The following GRAMD1A variants were observed in gnomAD, a reference collection of about 807,000 sequenced individuals.
GRAMD1A encodes protein Aster-A.
Under a neutral mutation model 92.0 loss-of-function variants are expected in GRAMD1A, and 50 were observed. That is an observed-to-expected ratio of 0.54 (90% CI 0.43 to 0.69). The LOEUF (loss-of-function observed/expected upper bound fraction) is 0.69, where lower values mean the gene tolerates loss of function less well. GRAMD1A is among the 30% of genes least tolerant of loss of function. GRAMD1A has a pLI of 0.00. For synonymous variants in GRAMD1A, 405 were observed against 403.6 expected (o/e 1.00, Z -0.04); for missense variants, 819 against 978.9 (o/e 0.84, Z 2.18).
chr19:35,003,132 G>A (rs1012783584), intron 1 of GRAMD1A, among the ~76,000 whole-genome samples: 2 of 139,908 alleles, frequency 1.4e-5, no homozygotes, highest in African/African-American at 5.4e-5. Context: ...CTATGATGCT[G>A]TTGCTCTGTG....
At position 35,002,758 on chromosome 19, in the gene GRAMD1A, T is replaced by G. The variant is rs1456516873; in HGVS notation, c.8+2272T>G. 2.0e-5 allele frequency: 3 copies of G among 152,558 alleles called. No homozygotes were observed. The East Asian group carries it at 5.8e-4, about 29-fold the overall frequency. 9.5% of individuals were successfully genotyped at this position (152,558 alleles called of 1,614,324 possible). ...CTTCCCTGCCAGATGGTGAGCCCAG[T>G]GCGGGCACGGGAACAACTCAGTGGG... On this transcript the variant is annotated intron_variant, in intron 1 of 19. Coordinates refer to ENST00000317991, the MANE Select transcript of GRAMD1A (RefSeq NM_020895.5).
intron 6 of GRAMD1A, among the ~76,000 whole-genome samples, chr19:35,011,062 A>G (rs2015195486): frequency 7.0e-6 from 1 of 141,898 alleles, no homozygotes; most frequent in Admixed American, 7.9e-5. Flanking sequence ...TGATCATGCC[A>G]CTGCACTCCA....
At chr19:35,016,411 A>G (rs1415263792) in intron 11 of GRAMD1A, among the ~76,000 whole-genome samples, 2 of 151,890 alleles carry the variant, frequency 1.3e-5, no homozygotes, top group Non-Finnish European at 2.9e-5. Context: ...AGCCAGGGCA[A>G]CATGGTGAAA....
At position 35,015,892 on chromosome 19, in the gene GRAMD1A, G is replaced by C. The variant is rs948089718; in HGVS notation, c.1138G>C (p.Ala380Pro). ...LLINSVFHVG[A>P]ERLQQMLFSD... ...CATCAACTCTGTCTTCCATGTGGGC[G>C]CTGAGCGGCTCCAGCAGATGCTCTT... Residue 380 changes from alanine to proline, a missense_variant, in exon 11 of 20, where the codon GCT (alanine) becomes CCT (proline). Ala to Pro is a conservative substitution (Grantham distance 27, BLOSUM62 -1). Transcript: ENST00000317991. 6.2e-7 allele frequency: 1 copy of C among 1,614,000 alleles called. No homozygotes were observed. The highest frequency in any genetic ancestry group is 1.6e-4 in the Middle Eastern group (1 of 6,062).
Position 35,021,677 on chromosome 19 carries a change from T to C in GRAMD1A, c.1580-14T>C. The C allele has an allele frequency of 6.2e-7, 1 of 1,614,000 alleles. No homozygotes were observed. On this transcript the variant is annotated splice_polypyrimidine_tract_variant and intron_variant, in intron 14 of 19. Coordinates refer to ENST00000317991, the MANE Select transcript of GRAMD1A (RefSeq NM_020895.5). This position sits in a 1 kb window ranked among gnomAD's most constrained non-coding sequence, Gnocchi z 5.3. ...CCAGGTATGGACATCCAGAGCCCCC[T>C]CTCTTTTACGCAGAGCGAGAGCTCG...
At chr19:35,004,135 T>C (rs970335637) in intron 1 of GRAMD1A, among the ~76,000 whole-genome samples, 2 of 152,096 alleles carry the variant, frequency 1.3e-5, no homozygotes, top group African/African-American at 4.8e-5. Flanking sequence ...AAGCTAAGGC[T>C]GGAGGATCGC....
chr19:35,021,656 G>A lies in GRAMD1A; in HGVS notation c.1580-35G>A. On this transcript the variant is annotated intron_variant, in intron 14 of 19. Coordinates refer to ENST00000317991, the MANE Select transcript of GRAMD1A (RefSeq NM_020895.5). This position sits in a 1 kb window ranked among gnomAD's most constrained non-coding sequence, Gnocchi z 5.3. Reference sequence around the variant, plus strand: ...GTGGGTTGGGGGATGGCCTGGCCAGGTATGGACATCCAGAGCCCCCTCTCT... The same window carrying A: ...GTGGGTTGGGGGATGGCCTGGCCAGATATGGACATCCAGAGCCCCCTCTCT... 1.9e-6 allele frequency: 3 copies of A among 1,613,922 alleles called. No homozygotes were observed. Among genetic ancestry groups the A allele is most frequent in the South Asian group, 1.1e-5 (1 of 91,084 alleles).
chr19:34,999,971 C>T, upstream of GRAMD1A: 1 of 984,750 alleles, frequency 1.0e-6, no homozygotes, highest in Non-Finnish European at 1.2e-6. Context: ...CCCACCTTCG[C>T]CCCGGCTCTC....
chr19:35,014,538 C>A, intron 10 of GRAMD1A, 151 bp downstream of exon 10: 1 of 694,696 alleles, frequency 1.4e-6, no homozygotes. Flanking sequence ...TCTGTCTTTA[C>A]TCTGTTTTGA....
intron 1 of GRAMD1A, among the ~76,000 whole-genome samples, chr19:35,001,735 G>C (rs1162947499): frequency 2.0e-5 from 3 of 152,096 alleles, no homozygotes; most frequent in African/African-American, 7.2e-5. Flanking sequence ...AGCCTCCTGA[G>C]TAGCTGGGAT....
upstream of GRAMD1A, chr19:34,999,491 C>G (rs2014194012): frequency 6.6e-6 from 1 of 151,714 alleles, no homozygotes; most frequent in South Asian, 2.1e-4. Context: ...CCACCTGACT[C>G]TGACCTCTTG....
At chr19:35,001,499 C>T (rs1303210903) in intron 1 of GRAMD1A, among the ~76,000 whole-genome samples, 2 of 152,090 alleles carry the variant, frequency 1.3e-5, no homozygotes, top group African/African-American at 4.8e-5. Context: ...TACCAGTGTG[C>T]GTCCCATTGT....
At chr19:35,015,791 C>A in intron 10 of GRAMD1A, 33 bp from the exon 11 acceptor site, 1 of 1,602,314 alleles carries the variant, frequency 6.2e-7, no homozygotes, top group Non-Finnish European at 8.5e-7. Context: ...GGAGTGGAGG[C>A]AGTCATCATC....
At position 35,015,856 on chromosome 19, in the gene GRAMD1A, G is replaced by A. The variant is rs774177933; in HGVS notation, c.1102G>A (p.Gly368Ser). ...GGCTGCCCTGCTTCCCGACCTCTCCGGCCGCCTCCTCATCAACTCTGTCTT... is the reference window on the plus strand; with the variant it reads ...GGCTGCCCTGCTTCCCGACCTCTCCAGCCGCCTCCTCATCAACTCTGTCTT... ...DLAALLPDLS[G>S]RLLINSVFHV... is the part of the protein sequence containing the mutation. The change falls in exon 11 of 20, where the codon GGC (glycine) becomes AGC (serine). Residue 368 changes from glycine to serine, a missense_variant. By Grantham distance (56) the Gly-to-Ser change is moderately conservative (BLOSUM62 0). Coordinates refer to ENST00000317991, the MANE Select transcript of GRAMD1A (RefSeq NM_020895.5). 5.6e-6 allele frequency: 9 copies of A among 1,613,828 alleles called. No homozygotes were observed. Among genetic ancestry groups the A allele is most frequent in the Admixed American group, 3.3e-5 (2 of 59,974 alleles).
chr19:35,021,642 G>A lies in GRAMD1A; in HGVS notation c.1579+37G>A, dbSNP rs1340773899. ...AGGCCGGCTGGGGCGTGGGTTGGGG[G>A]ATGGCCTGGCCAGGTATGGACATCC... On this transcript the variant is annotated intron_variant, in intron 14 of 19. Coordinates refer to ENST00000317991, the MANE Select transcript of GRAMD1A (RefSeq NM_020895.5). The surrounding 1 kb of genome is among the most constrained non-coding windows in gnomAD (Gnocchi z 5.3). 6.2e-7 allele frequency: 1 copy of A among 1,613,460 alleles called. No homozygotes were observed.
chr19:35,020,589 G>T (rs1461819028), intron 13 of GRAMD1A, among the ~76,000 whole-genome samples: 1 of 150,860 alleles, frequency 6.6e-6, no homozygotes, highest in Admixed American at 6.6e-5. Flanking sequence ...GCCAGACATG[G>T]TGGAGATTTC....
chr19:35,023,198 A>G, intron 17 of GRAMD1A, 38 bp from the exon 18 acceptor site: 1 of 1,455,628 alleles, frequency 6.9e-7, no homozygotes, highest in African/African-American at 1.4e-5. Context: ...CAGAGCATCT[A>G]GACCCCAGGA....
In GRAMD1A at chr19:35,023,524, G is replaced by C. The variant is rs1376801362; in HGVS notation, c.2059G>C (p.Ala687Pro). ...EVHKWRQILR[A>P]SVELLDEMKF... ...GCACAAGTGGAGGCAGATCCTGCGG[G>C]CCTCCGTGGAGCTCCTGGATGAGGT... The change falls in exon 19 of 20, where the codon GCC becomes CCC. Residue 687 changes from alanine to proline, a missense_variant. Around this residue, in one of 3 missense-constraint regions of GRAMD1A, gnomAD observed 577 missense variants for 674.6 expected, o/e 0.86. Transcript: ENST00000317991. 1.9e-6 allele frequency: 3 copies of C among 1,579,838 alleles called. No homozygotes were observed. The highest frequency in any genetic ancestry group is 2.6e-6 in the Non-Finnish European group (3 of 1,166,262).
chr19:35,021,935 A>G lies in GRAMD1A; in HGVS notation c.1754-16A>G, dbSNP rs758488126. The G allele has an allele frequency of 3.1e-6, 5 of 1,613,648 alleles. No individual in the cohort carries two copies. The highest frequency in any genetic ancestry group is 2.2e-5 in the East Asian group (1 of 44,868). On this transcript the variant is annotated splice_polypyrimidine_tract_variant and intron_variant, in intron 15 of 19. Coordinates refer to ENST00000317991, the MANE Select transcript of GRAMD1A (RefSeq NM_020895.5). This position sits in a 1 kb window ranked among gnomAD's most constrained non-coding sequence, Gnocchi z 5.3. ...TCCTGGACTGGGCCATCTGACTCCA[A>G]GCTGCTCTCCTGCAGGCTCCCTCAG...
Sources: allele counts gnomAD v4.1 joint callset (sites outside exome capture counted in the v4.1 genomes callset), GRCh38; gene constraint gnomAD v4.1.1; regional missense constraint gnomAD v4.1.1; non-coding constraint Gnocchi (gnomAD v3.1); transcripts MANE v1.5; gene names NCBI Gene and HGNC (gene_info 2026-07-23, HGNC 2026-07-21).